The following PANX1 variants were observed in gnomAD, a reference collection of about 807,000 sequenced individuals.
The protein encoded by PANX1 is pannexin-1.
A neutral mutation model predicts 38.7 loss-of-function variants in PANX1; 30 were observed. The observed-to-expected ratio is 0.78, with a 90% CI of 0.58 to 1.05. The LOEUF (loss-of-function observed/expected upper bound fraction) is 1.05. Among genes scored for constraint, PANX1 ranks in the 50% least tolerant of loss-of-function variants. PANX1 has a pLI of 0.00. For synonymous variants in PANX1, 230 were observed against 212.2 expected, an observed-to-expected ratio of 1.08 and a Z score of -0.73; for missense variants, 551 against 517.2, an observed-to-expected ratio of 1.07 and a Z score of -0.63.
chr11:94,139,114 A>AT (rs1565372908), intron 1 of PANX1, among the ~76,000 whole-genome samples: 2 of 152,140 alleles, frequency 1.3e-5, no homozygotes, highest in Non-Finnish European at 2.9e-5. Context: ...AAGTGAGCCT[A>AT]TTTTTGGGCT....
intron 2 of PANX1, among the ~76,000 whole-genome samples, chr11:94,166,876 G>A (rs552908832): frequency 2.3e-4 from 35 of 152,204 alleles, no homozygotes; most frequent in East Asian, 3.9e-4. Context: ...AGTTAATGTC[G>A]TACTGGGTCA....
At chr11:94,157,661 T>C (rs1374769933) in intron 2 of PANX1, among the ~76,000 whole-genome samples, 8 of 152,176 alleles carry the variant, frequency 5.3e-5, no homozygotes, top group Admixed American at 5.2e-4. Context: ...GAGTAGGTTG[T>C]GAAAATTTTC....
At chr11:94,158,241 G>T (rs958570466) in intron 2 of PANX1, among the ~76,000 whole-genome samples, 11 of 151,916 alleles carry the variant, frequency 7.2e-5, no homozygotes, top group Non-Finnish European at 1.6e-4. Context: ...GCTCTTTTTT[G>T]GTTCCATATG....
intron 2 of PANX1, among the ~76,000 whole-genome samples, chr11:94,160,340 CATT>C (rs1373665312): frequency 6.6e-6 from 1 of 152,056 alleles, no homozygotes; most frequent in Non-Finnish European, 1.5e-5. Flanking sequence ...TAAAGTCTCC[CATT>C]ATTATTGTGG....
At chr11:94,136,791 A>G (rs1946698344) in intron 1 of PANX1, among the ~76,000 whole-genome samples, 1 of 152,146 alleles carries the variant, frequency 6.6e-6, no homozygotes, top group Non-Finnish European at 1.5e-5. Context: ...AAAACTTGAT[A>G]CATAGAAGTA....
At chr11:94,150,546 G>A (rs1043371493) in intron 1 of PANX1, among the ~76,000 whole-genome samples, 72 of 152,040 alleles carry the variant, frequency 4.7e-4, no homozygotes, top group African/African-American at 1.7e-3. Context: ...CCTGGCCCCC[G>A]GCCCCCTGGC....
chr11:94,173,820 T>C (rs988325923), intron 2 of PANX1, among the ~76,000 whole-genome samples: 1 of 151,788 alleles, frequency 6.6e-6, no homozygotes, highest in African/African-American at 2.4e-5. Context: ...TGTGGCCCTC[T>C]TAATTCAGTC....
chr11:94,153,476 T>C lies in PANX1; in HGVS notation c.182-15T>C, dbSNP rs1946909463. On this transcript the variant is annotated splice_polypyrimidine_tract_variant and intron_variant, in intron 1 of 4. Transcript: ENST00000227638. The stretch of plus-strand genomic sequence containing the variant: ...AGCTGTGTTTTCATTGGAAACTATC[T>C]GTTTTGCTTCTTAGGTACACAGATA... The C allele has an allele frequency of 6.2e-7, 1 of 1,613,166 alleles. No individual in the cohort carries two copies. The highest frequency in any genetic ancestry group is 8.5e-7 in the Non-Finnish European group (1 of 1,179,486).
intron 1 of PANX1, among the ~76,000 whole-genome samples, chr11:94,153,165 C>G (rs1161646605): frequency 6.6e-6 from 1 of 152,178 alleles, no homozygotes; most frequent in Non-Finnish European, 1.5e-5. Context: ...TTACTCCAAA[C>G]TAAACCAGGT....
Position 94,153,555 on chromosome 11 carries a change from A to G in PANX1, c.246A>G (p.Ser82=), listed in dbSNP as rs760023866. The G allele has an allele frequency of 6.2e-5, 100 of 1,613,944 alleles. No homozygotes were observed. Among genetic ancestry groups the G allele is most frequent in the Non-Finnish European group, 8.1e-5 (96 of 1,179,976 alleles). Residue 82 remains serine (S), a synonymous_variant, in exon 2 of 5, where the codon TCA becomes TCG. Coordinates refer to ENST00000227638, the MANE Select transcript of PANX1 (RefSeq NM_015368.4). ...FSWRQAAFVD[S]YCWAAVQQKN... ...GGCGTCAGGCTGCCTTTGTGGATTC[A>G]TATTGCTGGGCGGCTGTTCAGCAGA...
At chr11:94,143,976 T>G (rs899410931) in intron 1 of PANX1, among the ~76,000 whole-genome samples, 5 of 152,152 alleles carry the variant, frequency 3.3e-5, no homozygotes, top group African/African-American at 1.2e-4. Context: ...CTCAAACTCA[T>G]GGCCTCAAGC....
chr11:94,174,605 T>A (rs1947208934), intron 2 of PANX1, among the ~76,000 whole-genome samples: 2 of 151,666 alleles, frequency 1.3e-5, no homozygotes, highest in Non-Finnish European at 2.9e-5. Context: ...TGTGTTCCCA[T>A]CTGTCCTGTG....
At chr11:94,145,656 T>A (rs1453929377) in intron 1 of PANX1, among the ~76,000 whole-genome samples, 1 of 152,254 alleles carries the variant, frequency 6.6e-6, no homozygotes, top group Admixed American at 6.5e-5. Flanking sequence ...CTGTCTGGTC[T>A]CTGCTTCTGT....
At chr11:94,136,554 G>A (rs1039797735) in intron 1 of PANX1, among the ~76,000 whole-genome samples, 4 of 152,128 alleles carry the variant, frequency 2.6e-5, no homozygotes, top group Non-Finnish European at 4.4e-5. Context: ...GCCGACGTGG[G>A]CGGATCACGA....
chr11:94,165,564 A>G (rs547459870), intron 2 of PANX1, among the ~76,000 whole-genome samples: 84 of 152,304 alleles, frequency 5.5e-4, no homozygotes, highest in African/African-American at 1.8e-3. Flanking sequence ...TTTGTTTGCC[A>G]TGAGGCTGCA....
At chr11:94,175,086 T>C (rs1947217680) in intron 2 of PANX1, among the ~76,000 whole-genome samples, 1 of 151,654 alleles carries the variant, frequency 6.6e-6, no homozygotes, top group Admixed American at 6.5e-5. Flanking sequence ...TAATGTGGAG[T>C]TGACACAGCT....
chr11:94,137,267 G>A (rs958312190), intron 1 of PANX1, among the ~76,000 whole-genome samples: 3 of 152,142 alleles, frequency 2.0e-5, no homozygotes, highest in African/African-American at 7.2e-5. Flanking sequence ...TCATGCCACT[G>A]TACTCCAGCC....
chr11:94,163,009 A>T (rs991101902), intron 2 of PANX1, among the ~76,000 whole-genome samples: 9 of 151,864 alleles, frequency 5.9e-5, no homozygotes, highest in African/African-American at 2.2e-4. Context: ...AGTAGCTGGG[A>T]CTACAGGCAT....
chr11:94,165,466 A>G (rs1199750731), intron 2 of PANX1, among the ~76,000 whole-genome samples: 1 of 152,200 alleles, frequency 6.6e-6, no homozygotes, highest in East Asian at 1.9e-4. Flanking sequence ...CACACATAAC[A>G]ATATTAACTT....
Sources: gnomAD v4.1 joint callset for allele counts (sites outside exome capture counted in the v4.1 genomes callset) on GRCh38, gnomAD v4.1.1 for gene constraint, MANE v1.5 for transcripts, NCBI Gene and HGNC (gene_info 2026-07-23, HGNC 2026-07-21) for gene names.